Variants in TNFSF4 observed in about 807,000 individuals in gnomAD.
The protein encoded by TNFSF4 is TNF superfamily member 4.
A neutral mutation model predicts 7.3 loss-of-function variants in TNFSF4; 4 were observed. That is an observed-to-expected ratio of 0.55 (90% CI 0.27 to 1.25). The LOEUF (loss-of-function observed/expected upper bound fraction) is 1.25, where lower values mean the gene tolerates loss of function less well. Ranked by LOEUF, TNFSF4 falls within the 50% of genes most tolerant of loss-of-function variation. The pLI, the probability that TNFSF4 is intolerant of heterozygous loss-of-function variation, is 0.12. For missense variants in TNFSF4, 181 were observed against 208.8 expected (o/e 0.87, Z 0.82); for synonymous variants, 76 against 83.7 (o/e 0.91, Z 0.50).
chr1:173,423,827 T>C, the TNFSF4 span, among the ~76,000 whole-genome samples: 1 of 152,192 alleles, frequency 6.6e-6, no homozygotes, highest in Non-Finnish European at 1.5e-5. Context: ...TGTAACAAAA[T>C]ACCTGAGACT....
chr1:173,404,064 G>A, the TNFSF4 span, among the ~76,000 whole-genome samples: 1 of 152,154 alleles, frequency 6.6e-6, no homozygotes, highest in African/African-American at 2.4e-5. Context: ...GCAGAGCGTG[G>A]AATGCAGTCC....
At chr1:173,234,273 G>A in the TNFSF4 span, among the ~76,000 whole-genome samples, 7 of 152,294 alleles carry the variant, frequency 4.6e-5, no homozygotes, top group African/African-American at 1.7e-4. Flanking sequence ...AGTTAGGATG[G>A]TGATCATTAA....
At chr1:173,217,512 G>A in the TNFSF4 span, among the ~76,000 whole-genome samples, 1 of 152,140 alleles carries the variant, frequency 6.6e-6, no homozygotes, top group Non-Finnish European at 1.5e-5. Context: ...TACCGTGCCT[G>A]ATACATATTA....
At chr1:173,213,996 G>A in the TNFSF4 span, among the ~76,000 whole-genome samples, 5 of 152,070 alleles carry the variant, frequency 3.3e-5, no homozygotes, top group African/African-American at 7.2e-5. Context: ...ATACCTCACC[G>A]CCATCAACAA....
At chr1:173,431,472 A>C in the TNFSF4 span, among the ~76,000 whole-genome samples, 1 of 152,190 alleles carries the variant, frequency 6.6e-6, no homozygotes, top group Non-Finnish European at 1.5e-5. Context: ...GCCCAAAATC[A>C]GCCTGCAGAA....
chr1:173,288,410 T>C, the TNFSF4 span, among the ~76,000 whole-genome samples: 1 of 152,066 alleles, frequency 6.6e-6, no homozygotes, highest in East Asian at 1.9e-4. Context: ...CATTCCAGCC[T>C]GGGTGACAGA....
chr1:173,359,431 A>T, the TNFSF4 span, among the ~76,000 whole-genome samples: 1 of 148,780 alleles, frequency 6.7e-6, no homozygotes, highest in African/African-American at 2.5e-5. Context: ...AATGCCAGTC[A>T]GAGTCTAAGA....
At chr1:173,448,986 T>C in the TNFSF4 span, among the ~76,000 whole-genome samples, 1 of 152,226 alleles carries the variant, frequency 6.6e-6, no homozygotes, top group Non-Finnish European at 1.5e-5. Flanking sequence ...CAAAATCTCA[T>C]ATTCAAATGT....
chr1:173,175,852 CTT>C, the TNFSF4 span, among the ~76,000 whole-genome samples: 51 of 152,332 alleles, frequency 3.3e-4, no homozygotes, highest in African/African-American at 1.2e-3. Flanking sequence ...TCCAGAAAGA[CTT>C]TTGTTGGCGC....
chr1:173,280,169 T>A, the TNFSF4 span, among the ~76,000 whole-genome samples: 5 of 152,102 alleles, frequency 3.3e-5, no homozygotes, highest in Non-Finnish European at 5.9e-5. Context: ...TTTCATAATG[T>A]CCATCACTAT....
chr1:173,278,463 C>T, the TNFSF4 span, among the ~76,000 whole-genome samples: 1 of 152,020 alleles, frequency 6.6e-6, no homozygotes, highest in African/African-American at 2.4e-5. Context: ...TAATATTTGT[C>T]GTTGTCTCTA....
the TNFSF4 span, among the ~76,000 whole-genome samples, chr1:173,349,438 A>G: frequency 1.3e-5 from 2 of 152,226 alleles, no homozygotes; most frequent in Non-Finnish European, 2.9e-5. Context: ...TCTGTTATAA[A>G]TATAGTATAA....
the TNFSF4 span, among the ~76,000 whole-genome samples, chr1:173,282,129 C>A: frequency 4.6e-5 from 7 of 152,072 alleles, no homozygotes; most frequent in African/African-American, 1.7e-4. Flanking sequence ...CGTTTGATTG[C>A]ACAGTAGGGT....
chr1:173,425,783 A>G, the TNFSF4 span, among the ~76,000 whole-genome samples: 1 of 152,240 alleles, frequency 6.6e-6, no homozygotes, highest in Admixed American at 6.5e-5. Context: ...CTGAGCCTGG[A>G]CACTGTGACC....
chr1:173,229,550 T>A, the TNFSF4 span, among the ~76,000 whole-genome samples: 681 of 152,232 alleles, frequency 4.5e-3, 4 homozygotes, highest in Non-Finnish European at 5.2e-3. Flanking sequence ...CCAGCTAACA[T>A]CATAGTGACA....
the TNFSF4 span, among the ~76,000 whole-genome samples, chr1:173,259,763 G>T: frequency 1.3e-5 from 2 of 152,162 alleles, no homozygotes; most frequent in African/African-American, 4.8e-5. Context: ...AGACTATCTT[G>T]CTGAAATAAG....
chr1:173,414,306 C>T, the TNFSF4 span, among the ~76,000 whole-genome samples: 2 of 152,096 alleles, frequency 1.3e-5, no homozygotes, highest in Admixed American at 1.3e-4. Context: ...TCTGTGTGTG[C>T]ACAGAGGAAA....
At chr1:173,237,215 T>C in the TNFSF4 span, among the ~76,000 whole-genome samples, 4 of 152,212 alleles carry the variant, frequency 2.6e-5, no homozygotes. Context: ...TTATAAATTA[T>C]CCAGTCTCTG....
the TNFSF4 span, among the ~76,000 whole-genome samples, chr1:173,261,095 C>G: frequency 6.6e-6 from 1 of 152,168 alleles, no homozygotes; most frequent in African/African-American, 2.4e-5. Context: ...GGAAGTAAAA[C>G]ACTCCTCAAC....
Sources: gnomAD v4.1 joint callset for allele counts (sites outside exome capture counted in the v4.1 genomes callset) on GRCh38, gnomAD v4.1.1 for gene constraint, MANE v1.5 for transcripts, NCBI Gene and HGNC (gene_info 2026-07-23, HGNC 2026-07-21) for gene names.